MYLK: variants seen among roughly 807,000 people sequenced by gnomAD.
The protein encoded by MYLK is myosin light chain kinase, also known as myosin light chain kinase, smooth muscle.
In MYLK, 106 loss-of-function variants were observed where a neutral mutation model predicts 203.4. The ratio of observed to expected loss-of-function variants is 0.52; its 90% CI spans 0.45 to 0.61. The LOEUF is 0.61. Among genes scored for constraint, MYLK ranks in the 20% least tolerant of loss-of-function variants. The pLI is 0.00. For synonymous variants in MYLK, 867 were observed against 959.5 expected (o/e 0.90, Z 1.78); for missense variants, 2,072 against 2,442.3 (o/e 0.85, Z 3.20).
At chr3:123,882,049 C>G (rs1560314850) in intron 1 of MYLK, among the ~76,000 whole-genome samples, 1 of 152,248 alleles carries the variant, frequency 6.6e-6, no homozygotes, top group South Asian at 2.1e-4. Flanking sequence ...AAGGCCTAGT[C>G]TGCTCTGCAT....
At chr3:123,831,429 T>G (rs899877292) in intron 3 of MYLK, 119 bp downstream of exon 3, 5 of 1,289,366 alleles carry the variant, frequency 3.9e-6, no homozygotes, top group Non-Finnish European at 5.1e-6. Context: ...CCATCTCACC[T>G]TGGGGGCAGC....
chr3:123,693,489 G>A (rs1055046197), intron 18 of MYLK: 1 of 156,542 alleles, frequency 6.4e-6, no homozygotes, highest in African/African-American at 2.4e-5. Context: ...GCCAATGAGG[G>A]GGACTGGACC....
intron 2 of MYLK, among the ~76,000 whole-genome samples, chr3:123,872,656 G>A (rs1012510350): frequency 6.6e-6 from 1 of 152,150 alleles, no homozygotes; most frequent in African/African-American, 2.4e-5. Context: ...ACAGCCAAAT[G>A]GAAGAGATAC....
At chr3:123,803,994 T>G (rs1046478063) in intron 3 of MYLK, among the ~76,000 whole-genome samples, 1 of 152,250 alleles carries the variant, frequency 6.6e-6, no homozygotes, top group African/African-American at 2.4e-5. Context: ...ATAGTTGCCA[T>G]GTATTTAGCA....
intron 23 of MYLK, among the ~76,000 whole-genome samples, chr3:123,657,782 C>T (rs902487226): frequency 6.6e-6 from 1 of 152,166 alleles, no homozygotes; most frequent in African/African-American, 2.4e-5. Context: ...TATTTCCTAT[C>T]GAAAACATGT....
At chr3:123,786,791 A>T (rs1230443178) in intron 4 of MYLK, among the ~76,000 whole-genome samples, 2 of 152,126 alleles carry the variant, frequency 1.3e-5, no homozygotes, top group Non-Finnish European at 2.9e-5. Flanking sequence ...ATGAACTCAC[A>T]AAAAAATAGA....
chr3:123,708,676 G>A (rs750748823), intron 15 of MYLK, 22 bp downstream of exon 15: 10 of 1,612,836 alleles, frequency 6.2e-6, no homozygotes, highest in Non-Finnish European at 7.6e-6. Flanking sequence ...CTTCCCACTC[G>A]CTCTGAGTGG....
chr3:123,733,075 G>C lies in MYLK; in HGVS notation c.1337C>G (p.Ala446Gly). Residue 446 changes from alanine to glycine, a missense_variant, in exon 11 of 34, where the codon GCC becomes GGC. By Grantham distance (60) the Ala-to-Gly change is moderately conservative. Around this residue, in one of 3 missense-constraint regions of MYLK, gnomAD observed 683 missense variants for 643.8 expected, o/e 1.06. Transcript: ENST00000360304. ...EVSGIPKPEV[A>G]WFLEGTPVRR... ...CACGGGGGTGCCTTCCAGGAACCAG[G>C]CCACTTCAGGCTTTGGAATCCCGGA... 1 of 1,614,012 alleles carries C rather than the reference G, an allele frequency of 6.2e-7. No homozygotes were observed. Among genetic ancestry groups the C allele is most frequent in the East Asian group, 2.2e-5 (1 of 44,866 alleles).
At chr3:123,705,392 C>T (rs1341097113) in intron 16 of MYLK, among the ~76,000 whole-genome samples, 3 of 152,170 alleles carry the variant, frequency 2.0e-5, no homozygotes. Flanking sequence ...GTGTGGTTTC[C>T]CAGGTCCTTC....
At chr3:123,797,262 T>C (rs1036933578) in intron 3 of MYLK, among the ~76,000 whole-genome samples, 2 of 152,320 alleles carry the variant, frequency 1.3e-5, no homozygotes, top group African/African-American at 2.4e-5. Flanking sequence ...TAGCATATAG[T>C]ATATGTTTGT....
In MYLK at chr3:123,732,952, C is replaced by A. The variant is rs567572452; in HGVS notation, c.1460G>T (p.Cys487Phe). 4 of 1,614,074 alleles carry A rather than the reference C, an allele frequency of 2.5e-6. No homozygotes were observed. The highest frequency in any genetic ancestry group is 1.1e-5 in the South Asian group (1 of 91,074). ...ARTRDSGTYS[C>F]TASNAQGQLS... ...CTGGCCTTGGGCGTTGGAAGCAGTG[C>A]AGCTGTATGTCCCACTGTCCCTGGT... The change falls in exon 11 of 34, where the codon TGC becomes TTC. Residue 487 changes from cysteine (C) to phenylalanine (F), a missense_variant. Cys to Phe is a radical substitution (Grantham distance 205). Around this residue, in one of 3 missense-constraint regions of MYLK, gnomAD observed 683 missense variants for 643.8 expected, o/e 1.06. Coordinates refer to ENST00000360304, the MANE Select transcript of MYLK (RefSeq NM_053025.4).
At chr3:123,708,939 C>T (rs2061571356) in intron 14 of MYLK, 44 bp from the exon 15 acceptor site, 3 of 1,560,210 alleles carry the variant, frequency 1.9e-6, no homozygotes, top group Non-Finnish European at 2.6e-6. Flanking sequence ...GGGAGGTCCT[C>T]CCCGGCCATG....
intron 4 of MYLK, among the ~76,000 whole-genome samples, chr3:123,773,865 C>A (rs1444865274): frequency 6.6e-6 from 1 of 152,248 alleles, no homozygotes; most frequent in Non-Finnish European, 1.5e-5. Flanking sequence ...TGCAAGAACT[C>A]AAGTCAGTGG....
rs1475852496 is a variant in MYLK at position 123,620,322 on chromosome 3, A to G, written c.5253T>C (p.Ala1751=). The G allele has an allele frequency of 1.2e-6, 2 of 1,614,126 alleles. No individual in the cohort carries two copies. Among genetic ancestry groups the G allele is most frequent in the African/African-American group, 1.3e-5 (1 of 75,012 alleles). ...ARRKWQKTGN[A]VRAIGRLSSM... ...AGGACAGTCTTCCAATGGCTCTCAC[A>G]GCATTGCCCGTTTTCTGGAAAATAG... is the stretch of plus-strand genomic sequence containing the variant. The change falls in exon 32 of 34, where the codon GCT becomes GCC. Residue 1751 remains alanine, a synonymous_variant. Coordinates refer to ENST00000360304, the MANE Select transcript of MYLK (RefSeq NM_053025.4).
At chr3:123,749,210 TC>T (rs1331506014) in intron 5 of MYLK, among the ~76,000 whole-genome samples, 1 of 150,416 alleles carries the variant, frequency 6.6e-6, no homozygotes. Context: ...GCCCAGGAGG[TC>T]GAGGCTGCAG....
intron 33 of MYLK, among the ~76,000 whole-genome samples, chr3:123,615,737 T>C (rs1358234966): frequency 6.6e-6 from 1 of 151,358 alleles, no homozygotes; most frequent in Non-Finnish European, 1.5e-5. Flanking sequence ...CAACTTCCAA[T>C]GTCCAGGCTC....
intron 3 of MYLK, among the ~76,000 whole-genome samples, chr3:123,811,506 T>C (rs1003021698): frequency 1.3e-5 from 2 of 152,190 alleles, no homozygotes; most frequent in African/African-American, 4.8e-5. Flanking sequence ...TAATGGGGCA[T>C]TGACCTGTTC....
chr3:123,856,871 G>GA (rs2031427756), intron 2 of MYLK, among the ~76,000 whole-genome samples: 1 of 151,862 alleles, frequency 6.6e-6, no homozygotes, highest in Non-Finnish European at 1.5e-5. Flanking sequence ...CCTACAAAAT[G>GA]GGATAAAATT....
chr3:123,857,472 AAAT>A (rs1465803993), intron 2 of MYLK, among the ~76,000 whole-genome samples: 1 of 152,082 alleles, frequency 6.6e-6, no homozygotes, highest in Non-Finnish European at 1.5e-5. Flanking sequence ...CAGCCATAAA[AAAT>A]AATGAGTTCA....
Sources: gnomAD v4.1 joint callset for allele counts (sites outside exome capture counted in the v4.1 genomes callset) on GRCh38, gnomAD v4.1.1 for gene constraint, gnomAD v4.1.1 regional missense constraint, MANE v1.5 for transcripts, NCBI Gene and HGNC (gene_info 2026-07-23, HGNC 2026-07-21) for gene names.